Variants in ULK4 observed in about 807,000 individuals in gnomAD.
ULK4 encodes unc-51 like kinase 4, also known as inactive serine/threonine-protein kinase ULK4.
ULK4 carries 133 observed loss-of-function variants against 160.6 expected under a neutral mutation model. The observed-to-expected ratio is 0.83, with a 90% CI of 0.72 to 0.96. The LOEUF (loss-of-function observed/expected upper bound fraction) is 0.96, where lower values mean the gene tolerates loss of function less well. Among genes scored for constraint, ULK4 ranks in the 40% least tolerant of loss-of-function variants. The pLI, the probability that ULK4 is intolerant of heterozygous loss-of-function variation, is 0.00. For missense variants in ULK4, 1,580 were observed against 1,499.5 expected, an observed-to-expected ratio of 1.05 and a Z score of -0.89; for synonymous variants, 534 against 539.8, an observed-to-expected ratio of 0.99 and a Z score of 0.15.
At chr3:41,405,289 G>T (rs1442500179) in intron 34 of ULK4, among the ~76,000 whole-genome samples, 1 of 152,078 alleles carries the variant, frequency 6.6e-6, no homozygotes, top group Non-Finnish European at 1.5e-5. Flanking sequence ...CATCCATGTT[G>T]CTGCAAAGGA....
intron 18 of ULK4, among the ~76,000 whole-genome samples, chr3:41,824,693 G>A (rs1032574765): frequency 9.2e-5 from 14 of 152,278 alleles, no homozygotes; most frequent in African/African-American, 2.2e-4. Flanking sequence ...GGAGCCCACC[G>A]CAGTTCAAGG....
intron 32 of ULK4, among the ~76,000 whole-genome samples, chr3:41,561,295 T>A (rs1163170105): frequency 6.6e-6 from 1 of 152,248 alleles, no homozygotes; most frequent in Non-Finnish European, 1.5e-5. Context: ...TTTGCATCAA[T>A]GTTCATCAAG....
chr3:41,692,421 T>C (rs2036336949), intron 27 of ULK4, among the ~76,000 whole-genome samples: 1 of 151,118 alleles, frequency 6.6e-6, no homozygotes, highest in Non-Finnish European at 1.5e-5. Context: ...ATGAGTACCT[T>C]TTTGCTGCTG....
intron 34 of ULK4, among the ~76,000 whole-genome samples, chr3:41,415,626 T>A (rs535809901): frequency 9.9e-5 from 15 of 152,144 alleles, no homozygotes; most frequent in Non-Finnish European, 1.8e-4. Flanking sequence ...AGTTCAAAGG[T>A]CACCTCCTAA....
chr3:41,925,275 T>C (rs1699338455), intron 5 of ULK4, among the ~76,000 whole-genome samples: 1 of 152,084 alleles, frequency 6.6e-6, no homozygotes, highest in Non-Finnish European at 1.5e-5. Flanking sequence ...AGGTGGGGTG[T>C]TGCCTCACCC....
At chr3:41,328,929 T>C (rs2080389168) in intron 35 of ULK4, among the ~76,000 whole-genome samples, 2 of 152,342 alleles carry the variant, frequency 1.3e-5, no homozygotes, top group South Asian at 4.1e-4. Flanking sequence ...TTTTACTAAA[T>C]TAACAAATAA....
intron 32 of ULK4, among the ~76,000 whole-genome samples, chr3:41,475,758 C>T (rs947865489): frequency 1.3e-5 from 2 of 152,158 alleles, no homozygotes; most frequent in Non-Finnish European, 2.9e-5. Flanking sequence ...GGACTGAAGT[C>T]AGACTTCAAG....
At chr3:41,348,205 T>TC (rs1279615664) in intron 35 of ULK4, among the ~76,000 whole-genome samples, 2 of 21,924 alleles carry the variant, frequency 9.1e-5, no homozygotes, top group Admixed American at 6.1e-4. Flanking sequence ...TAACTCTGTC[T>TC]CAAAAAAAAA....
chr3:41,398,037 G>C, intron 35 of ULK4, 42 bp downstream of exon 35: 2 of 1,575,342 alleles, frequency 1.3e-6, no homozygotes, highest in Non-Finnish European at 1.7e-6. Flanking sequence ...GTCGCTGCCA[G>C]CAAAGCCACC....
intron 32 of ULK4, among the ~76,000 whole-genome samples, chr3:41,543,436 T>C (rs888618631): frequency 6.6e-6 from 1 of 152,074 alleles, no homozygotes; most frequent in African/African-American, 2.4e-5. Context: ...TAGAACAATG[T>C]TGTATTGTGT....
intron 31 of ULK4, among the ~76,000 whole-genome samples, chr3:41,566,924 G>A (rs1015804505): frequency 2.6e-5 from 4 of 152,112 alleles, no homozygotes; most frequent in East Asian, 3.9e-4. Context: ...AGAGACACAC[G>A]AGGTGCAAAA....
chr3:41,247,086 T>C, intron 36 of ULK4, 94 bp from the exon 37 acceptor site: 4 of 1,187,548 alleles, frequency 3.4e-6, no homozygotes, highest in Non-Finnish European at 4.9e-6. Context: ...TGCACCCGAG[T>C]ATCTGGTGGA....
intron 3 of ULK4, among the ~76,000 whole-genome samples, chr3:41,937,666 C>G (rs777757438): frequency 2.0e-5 from 3 of 152,102 alleles, no homozygotes; most frequent in Non-Finnish European, 4.4e-5. Context: ...ATAGCTATAA[C>G]TTGTTATCTC....
intron 34 of ULK4, among the ~76,000 whole-genome samples, chr3:41,420,893 C>A (rs1469684219): frequency 6.6e-6 from 1 of 150,718 alleles, no homozygotes; most frequent in East Asian, 2.0e-4. Context: ...GCAGGCAAAT[C>A]ACTTGAGGTA....
chr3:41,302,631 G>C (rs1033493287), intron 35 of ULK4, among the ~76,000 whole-genome samples: 1 of 152,176 alleles, frequency 6.6e-6, no homozygotes, highest in East Asian at 1.9e-4. Flanking sequence ...CCCAGATGTG[G>C]TGCAGCTTTA....
At chr3:41,770,912 T>C (rs13318330) in intron 21 of ULK4, among the ~76,000 whole-genome samples, 7,479 of 152,274 alleles carry the variant, frequency 0.049, 350 homozygotes, top group African/African-American at 0.12. Flanking sequence ...GGTGAATTTC[T>C]AAAGAAGCCT....
chr3:41,661,464 T>C (rs1258315812), intron 30 of ULK4, among the ~76,000 whole-genome samples: 2 of 151,796 alleles, frequency 1.3e-5, no homozygotes, highest in Non-Finnish European at 1.5e-5. Context: ...TACACACATA[T>C]ATATACATAC....
At chr3:41,354,762 C>A (rs2080995310) in intron 35 of ULK4, among the ~76,000 whole-genome samples, 1 of 152,206 alleles carries the variant, frequency 6.6e-6, no homozygotes, top group Non-Finnish European at 1.5e-5. Context: ...GCTGTGTTTA[C>A]AAGATTATAA....
intron 32 of ULK4, among the ~76,000 whole-genome samples, chr3:41,490,306 G>T (rs112854843): frequency 3.3e-5 from 5 of 152,128 alleles, no homozygotes; most frequent in Non-Finnish European, 5.9e-5. Flanking sequence ...CCCAGTCTGA[G>T]TTCAGCCCAG....
Sources: allele counts gnomAD v4.1 joint callset (sites outside exome capture counted in the v4.1 genomes callset), GRCh38; gene constraint gnomAD v4.1.1; transcripts MANE v1.5; gene names NCBI Gene and HGNC (gene_info 2026-07-23, HGNC 2026-07-21).